DGKB: variants seen among roughly 807,000 people sequenced by gnomAD.
DGKB encodes the protein diacylglycerol kinase beta.
Under a neutral mutation model 114.3 loss-of-function variants are expected in DGKB, and 67 were observed. That is an observed-to-expected ratio of 0.59 (90% CI 0.48 to 0.72). The LOEUF (loss-of-function observed/expected upper bound fraction) is 0.72, where lower values mean the gene tolerates loss of function less well. Among genes scored for constraint, DGKB ranks in the 30% least tolerant of loss-of-function variants. The probability of loss-of-function intolerance (pLI) is 0.00; values close to 1 mark genes in which losing one functional copy is unlikely to be tolerated. For synonymous variants in DGKB, 398 were observed against 323.1 expected, an observed-to-expected ratio of 1.23 and a Z score of -2.49; for missense variants, 907 against 975.2, an observed-to-expected ratio of 0.93 and a Z score of 0.93.
chr7:14,322,807 G>A (rs764827310), intron 23 of DGKB, among the ~76,000 whole-genome samples: 4 of 152,074 alleles, frequency 2.6e-5, no homozygotes, highest in Non-Finnish European at 5.9e-5. Context: ...ATGTCCAAAT[G>A]ATCTGGTCAC....
chr7:14,345,437 G>A (rs1045286604), intron 21 of DGKB, 46 bp from the exon 22 acceptor site: 30 of 1,009,360 alleles, frequency 3.0e-5, no homozygotes, highest in Non-Finnish European at 4.4e-5. Context: ...ATCAATAACA[G>A]AGGGATCTTT....
chr7:14,698,369 T>G (rs187643200), intron 7 of DGKB, among the ~76,000 whole-genome samples, 200 bp from the exon 8 acceptor site: 15 of 152,242 alleles, frequency 9.9e-5, no homozygotes, highest in African/African-American at 3.1e-4. Flanking sequence ...AAATTTATCT[T>G]GTACATTGTC....
At chr7:14,367,453 T>C (rs1299803043) in intron 21 of DGKB, among the ~76,000 whole-genome samples, 1 of 152,056 alleles carries the variant, frequency 6.6e-6, no homozygotes, top group Non-Finnish European at 1.5e-5. Context: ...CCATGTAAGA[T>C]GTTCCTTTGC....
At chr7:14,752,393 T>C (rs1236374718) in intron 4 of DGKB, among the ~76,000 whole-genome samples, 1 of 152,044 alleles carries the variant, frequency 6.6e-6, no homozygotes, top group Non-Finnish European at 1.5e-5. Context: ...GAAACTACAA[T>C]ACAGAGTACA....
chr7:14,943,441 G>A (rs1785685591), intron 1 of DGKB, among the ~76,000 whole-genome samples: 1 of 151,834 alleles, frequency 6.6e-6, no homozygotes, highest in African/African-American at 2.4e-5. Context: ...CACATTTTGT[G>A]TTCATGGACC....
At chr7:14,963,133 A>G (rs1225008456) in intron 1 of DGKB, among the ~76,000 whole-genome samples, 2 of 152,130 alleles carry the variant, frequency 1.3e-5, no homozygotes, top group Non-Finnish European at 2.9e-5. Flanking sequence ...TGCTTATCCC[A>G]TAACCCCAGC....
chr7:14,481,956 C>A (rs1026880930), intron 20 of DGKB, among the ~76,000 whole-genome samples: 2 of 151,944 alleles, frequency 1.3e-5, no homozygotes, highest in African/African-American at 4.8e-5. Flanking sequence ...TAACAACAAT[C>A]TTTTCCTATG....
intron 1 of DGKB, among the ~76,000 whole-genome samples, chr7:14,889,315 C>T (rs986518376): frequency 6.6e-6 from 1 of 151,642 alleles, no homozygotes; most frequent in African/African-American, 2.4e-5. Flanking sequence ...CAGCAAAGTG[C>T]AGAATATGGG....
chr7:14,786,740 ATCAGCCCCCTGTCACC>A (rs138680478), intron 2 of DGKB, among the ~76,000 whole-genome samples: 3,269 of 152,272 alleles, frequency 0.021, 119 homozygotes, highest in African/African-American at 0.075. Flanking sequence ...ACACTGACAC[ATCAGCCCCCTGTCACC>A]TCAGCCCCCT....
At chr7:14,305,825 A>G (rs1804373131) in intron 23 of DGKB, among the ~76,000 whole-genome samples, 1 of 152,148 alleles carries the variant, frequency 6.6e-6, no homozygotes, top group South Asian at 2.1e-4. Context: ...TCATAGCTTG[A>G]CCAGGTCTTA....
chr7:14,343,200 A>ACACACACACACACAC (rs1562972962), intron 22 of DGKB, among the ~76,000 whole-genome samples: 1 of 54,562 alleles, frequency 1.8e-5, no homozygotes, highest in African/African-American at 4.8e-5. Context: ...CACACACACA[A>ACACACACACACACAC]CAAGATATGC....
intron 9 of DGKB, among the ~76,000 whole-genome samples, chr7:14,690,034 A>G (rs1822546047): frequency 6.6e-6 from 1 of 152,238 alleles, no homozygotes; most frequent in African/African-American, 2.4e-5. Context: ...AGATGTGGGT[A>G]CAACAATCCA....
At chr7:14,617,682 CCT>C (rs1806802979) in intron 15 of DGKB, among the ~76,000 whole-genome samples, 1 of 151,534 alleles carries the variant, frequency 6.6e-6, no homozygotes, top group Admixed American at 6.6e-5. Flanking sequence ...AATTCTAGCC[CCT>C]GTTACTTCTC....
intron 20 of DGKB, among the ~76,000 whole-genome samples, chr7:14,555,095 G>C (rs1054440675): frequency 6.6e-6 from 1 of 151,984 alleles, no homozygotes; most frequent in African/African-American, 2.4e-5. Context: ...GCTTCCATTT[G>C]TATTTTTAAT....
intron 21 of DGKB, among the ~76,000 whole-genome samples, chr7:14,386,225 G>A (rs568542922): frequency 2.6e-5 from 4 of 152,270 alleles, no homozygotes; most frequent in South Asian, 2.1e-4. Flanking sequence ...TTAAGCTAGC[G>A]TTTTCAAATC....
intron 25 of DGKB, among the ~76,000 whole-genome samples, chr7:14,173,777 T>C (rs1781346547): frequency 1.3e-5 from 2 of 152,098 alleles, no homozygotes; most frequent in South Asian, 4.1e-4. Flanking sequence ...AAAAGTAGAG[T>C]ATGCCAGAAT....
At chr7:14,627,432 T>C (rs961628219) in intron 14 of DGKB, among the ~76,000 whole-genome samples, 7 of 152,144 alleles carry the variant, frequency 4.6e-5, no homozygotes, top group African/African-American at 1.4e-4. Context: ...GATTTTATCC[T>C]GGGTATAAAC....
chr7:14,630,241 G>A lies in DGKB; in HGVS notation c.1162C>T (p.Pro388Ser). The change falls in exon 14 of 26, where the codon CCT becomes TCT. Residue 388 changes from proline to serine, a missense_variant. Transcript: ENST00000402815. ...LTLPTSGVSV[P>S]EERQSTVKKE... ...ACCTGTTTTTGCTTACGCACCTCAGGAACTGAAACTCCTGAAGTGGGCAGA... is the reference window on the plus strand; with the variant it reads ...ACCTGTTTTTGCTTACGCACCTCAGAAACTGAAACTCCTGAAGTGGGCAGA... The A allele has an allele frequency of 6.4e-7, 1 of 1,555,620 alleles. No homozygotes were observed. Among genetic ancestry groups the A allele is most frequent in the Admixed American group, 2.0e-5 (1 of 51,262 alleles).
chr7:14,851,409 T>A (rs1458616648), intron 1 of DGKB, among the ~76,000 whole-genome samples: 1 of 152,218 alleles, frequency 6.6e-6, no homozygotes, highest in Admixed American at 6.5e-5. Flanking sequence ...CTTATGATTT[T>A]AAAATATCTT....
Sources: allele counts gnomAD v4.1 joint callset (sites outside exome capture counted in the v4.1 genomes callset), GRCh38; gene constraint gnomAD v4.1.1; transcripts MANE v1.5; gene names NCBI Gene and HGNC (gene_info 2026-07-23, HGNC 2026-07-21).